The following CYP4B1 variants were observed in gnomAD, a reference collection of about 807,000 sequenced individuals.
The protein encoded by CYP4B1 is cytochrome P450 family 4 subfamily B member 1, also known as cytochrome P450 4B1.
CYP4B1 carries 45 observed loss-of-function variants against 54.0 expected under a neutral mutation model. That is an observed-to-expected ratio of 0.83 (90% confidence interval 0.66 to 1.07). The LOEUF is 1.07. Among genes scored for constraint, CYP4B1 ranks in the 50% least tolerant of loss-of-function variants. The pLI, the probability that CYP4B1 is intolerant of heterozygous loss-of-function variation, is 0.00. For missense variants in CYP4B1, 656 were observed against 655.4 expected, an observed-to-expected ratio of 1.00 and a Z score of -0.01; for synonymous variants, 248 against 247.5, an observed-to-expected ratio of 1.00 and a Z score of -0.02.
At position 46,812,479 on chromosome 1, in the gene CYP4B1, T is replaced by C. The variant is rs773280920; in HGVS notation, c.368-17T>C. ...GGCCTGGACTGACCAGCCCTCTCTC[T>C]CCCATCCCTTCCCCAGGGAGAGGCC... On this transcript the variant is annotated splice_polypyrimidine_tract_variant and intron_variant, in intron 3 of 11. Transcript: ENST00000371923. 2 of 1,605,900 alleles carry C rather than the reference T, an allele frequency of 1.2e-6. No individual in the cohort carries two copies. Among genetic ancestry groups the C allele is most frequent in the South Asian group, 2.2e-5 (2 of 89,730 alleles).
chr1:46,800,245 C>CTTT (rs1557484783), intron 1 of CYP4B1, among the ~76,000 whole-genome samples: 1 of 19,744 alleles, frequency 5.1e-5, no homozygotes. Context: ...TTCTTTCCTT[C>CTTT]CTTCCTTCCT....
intron 9 of CYP4B1, 151 bp downstream of exon 9, chr1:46,817,332 T>C (rs1264842805): frequency 1.1e-5 from 9 of 835,732 alleles, no homozygotes; most frequent in Non-Finnish European, 1.7e-5. Flanking sequence ...CCACAACATA[T>C]TGATCAATTC....
Position 46,813,933 on chromosome 1 carries a change from A to C in CYP4B1, c.645A>C (p.Ala215=), listed in dbSNP as rs1679219980. ...GCAGGGACAGCAGCTACTACCTTGC[A>C]GTCAGCGATCTCACTCTGTTGATGC... ...GHSRDSSYYL[A]VSDLTLLMQQ... is the part of the protein sequence containing the mutation. The change falls in exon 6 of 12, where the codon GCA becomes GCC. Residue 215 remains alanine (A), a synonymous_variant. Transcript: ENST00000371923. 2.5e-6 allele frequency: 4 copies of C among 1,614,036 alleles called. No homozygotes were observed. In the South Asian group the frequency reaches 4.4e-5, roughly 18 times the overall value.
At chr1:46,813,776 CA>C in intron 5 of CYP4B1, 132 bp from the exon 6 acceptor site, 1 of 1,428,434 alleles carries the variant, frequency 7.0e-7, no homozygotes, top group Non-Finnish European at 9.6e-7. Context: ...CTGGCTTTAG[CA>C]AGGAGGCTTA....
intron 7 of CYP4B1, among the ~76,000 whole-genome samples, chr1:46,814,543 G>A (rs1467506024): frequency 6.6e-6 from 1 of 152,164 alleles, no homozygotes; most frequent in Non-Finnish European, 1.5e-5. Flanking sequence ...GTAGTGGCTG[G>A]ACGACATTTC....
chr1:46,799,319 A>G, intron 1 of CYP4B1, 58 bp downstream of exon 1: 2 of 1,482,856 alleles, frequency 1.3e-6, no homozygotes, highest in Non-Finnish European at 1.8e-6. Flanking sequence ...CTTTCAGAGA[A>G]TCAGGCCTAA....
At chr1:46,816,948 T>G in intron 8 of CYP4B1, 100 bp from the exon 9 acceptor site, 2 of 1,355,872 alleles carry the variant, frequency 1.5e-6, no homozygotes, top group Admixed American at 1.8e-5. Flanking sequence ...CTCTTGAGTG[T>G]GTGGTGGTGG....
intron 6 of CYP4B1, 32 bp downstream of exon 6, chr1:46,814,095 A>G: frequency 6.2e-7 from 1 of 1,612,816 alleles, no homozygotes; most frequent in Non-Finnish European, 8.5e-7. Flanking sequence ...CACCTCTAGG[A>G]AGCCTGGGTT....
chr1:46,811,968 C>T (rs545972483), intron 3 of CYP4B1, among the ~76,000 whole-genome samples: 5 of 152,200 alleles, frequency 3.3e-5, no homozygotes, highest in African/African-American at 1.2e-4. Flanking sequence ...AGAAGGCAGA[C>T]AGAAAAGGGT....
chr1:46,799,652 T>G (rs1438029355), intron 1 of CYP4B1, among the ~76,000 whole-genome samples: 1 of 152,202 alleles, frequency 6.6e-6, no homozygotes, highest in Non-Finnish European at 1.5e-5. Flanking sequence ...TGTTGTTGTG[T>G]GTAGTGTAAA....
At chr1:46,812,428 G>A in intron 3 of CYP4B1, 68 bp from the exon 4 acceptor site, 1 of 1,532,998 alleles carries the variant, frequency 6.5e-7, no homozygotes. Flanking sequence ...GAGTCGTGTA[G>A]GATGTGCTTA....
Position 46,813,542 on chromosome 1 carries a change from C to T in CYP4B1, c.556C>T (p.His186Tyr), listed in dbSNP as rs761287949. 1 of 1,614,212 alleles carries T rather than the reference C, an allele frequency of 6.2e-7. No homozygotes were observed. Among genetic ancestry groups the T allele is most frequent in the East Asian group, 2.2e-5 (1 of 44,882 alleles). The change falls in exon 5 of 12, where the codon CAC becomes TAC. Residue 186 changes from histidine to tyrosine, a missense_variant. Coordinates refer to ENST00000371923, the MANE Select transcript of CYP4B1 (RefSeq NM_001099772.2). ...CTTTGACATCTTCTGCGATGTGGGT[C>T]ACATGGCGCTGAACACACTCATGAA... Reference protein sequence around the residue: ...KSFDIFCDVGHMALNTLMKCT... With the variant: ...KSFDIFCDVGYMALNTLMKCT...
At position 46,817,904 on chromosome 1, in the gene CYP4B1, A is replaced by C. The variant is rs911890450; in HGVS notation, c.1208-61A>C. The C allele has an allele frequency of 4.8e-5, 71 of 1,475,642 alleles. No individual in the cohort carries two copies. The Admixed American group carries it at 1.1e-3, about 24-fold the overall frequency. The allele number at this position is 1,475,642 out of a possible 1,614,324, so 91.4% of individuals were successfully genotyped here. ...GGGGTCACTAGGGGACTCTGACCTT[A>C]TGTGGAGGTAGGCCTGGCTACCCAG... On this transcript the variant is annotated intron_variant, in intron 9 of 11. Transcript: ENST00000371923.
At chr1:46,800,614 G>C (rs1678618797) in intron 1 of CYP4B1, among the ~76,000 whole-genome samples, 1 of 152,130 alleles carries the variant, frequency 6.6e-6, no homozygotes, top group Non-Finnish European at 1.5e-5. Context: ...ATAGGTGTGA[G>C]CCACCGCGCC....
At position 46,810,818 on chromosome 1, in the gene CYP4B1, C is replaced by T. The variant is rs200083913; in HGVS notation, c.191C>T (p.Thr64Met). ...CTGTCATCATTTCAGATCCAGGAGACGGGGAGCCTGGACAAAGTGGTGTCC... is the reference window on the plus strand; with the variant it reads ...CTGTCATCATTTCAGATCCAGGAGATGGGGAGCCTGGACAAAGTGGTGTCC... ...LFGHALEIQE[T>M]GSLDKVVSWA... The change falls in exon 2 of 12, where the codon ACG becomes ATG. Residue 64 changes from threonine to methionine, a missense_variant. Physicochemically the swap from Thr to Met is moderately conservative, Grantham distance 81 (BLOSUM62 -1). Coordinates refer to ENST00000371923, the MANE Select transcript of CYP4B1 (RefSeq NM_001099772.2). 4.2e-5 allele frequency: 67 copies of T among 1,614,024 alleles called. No individual in the cohort carries two copies. The highest frequency in any genetic ancestry group is 8.0e-5 in the African/African-American group (6 of 74,928).
chr1:46,817,291 G>C (rs559522850), intron 9 of CYP4B1, 110 bp downstream of exon 9: 4 of 1,336,200 alleles, frequency 3.0e-6, no homozygotes, highest in Non-Finnish European at 3.1e-6. Context: ...CAGGCTTTGC[G>C]TTCAGAGAGC....
At chr1:46,811,481 G>T (rs971997315) in intron 3 of CYP4B1, among the ~76,000 whole-genome samples, 1 of 152,196 alleles carries the variant, frequency 6.6e-6, no homozygotes, top group African/African-American at 2.4e-5. Flanking sequence ...GATCCAAAAG[G>T]AGATTTAAAT....
chr1:46,818,926 T>C lies in CYP4B1; in HGVS notation c.*112T>C. ...CCCCCTGCCTTCAGGAGGCTTGTAG[T>C]TTAGAAGGGAAGTAGGCATTACCAT... On this transcript the variant is annotated 3_prime_UTR_variant, in exon 12 of 12. Transcript: ENST00000371923. 1.1e-6 allele frequency: 1 copy of C among 927,382 alleles called. No individual in the cohort carries two copies. The highest frequency in any genetic ancestry group is 1.6e-5 in the African/African-American group (1 of 60,754). 57.4% of individuals were successfully genotyped at this position (927,382 alleles called of 1,614,324 possible). A position where few individuals can be genotyped will look rare whatever the true frequency, so the allele number is the denominator to read the frequency against.
At chr1:46,812,070 T>C (rs1187035944) in intron 3 of CYP4B1, 5 of 434,252 alleles carry the variant, frequency 1.2e-5, no homozygotes, top group African/African-American at 2.0e-5. Flanking sequence ...CCTGAGGCCA[T>C]GAAGCACGAA....
Sources: gnomAD v4.1 joint callset for allele counts (sites outside exome capture counted in the v4.1 genomes callset) on GRCh38, gnomAD v4.1.1 for gene constraint, MANE v1.5 for transcripts, NCBI Gene and HGNC (gene_info 2026-07-23, HGNC 2026-07-21) for gene names.